Variants in XRCC4 observed in about 807,000 individuals in gnomAD.
XRCC4 encodes DNA repair protein XRCC4.
In XRCC4, 28 loss-of-function variants were observed where a neutral mutation model predicts 39.1. The observed-to-expected ratio is 0.72, with a 90% CI of 0.53 to 0.98. The LOEUF (loss-of-function observed/expected upper bound fraction) is 0.98, where lower values mean the gene tolerates loss of function less well. Among genes scored for constraint, XRCC4 ranks in the 50% least tolerant of loss-of-function variants. The pLI is 0.00. For synonymous variants in XRCC4, 123 were observed against 126.4 expected, an observed-to-expected ratio of 0.97 and a Z score of 0.18; for missense variants, 350 against 376.4, an observed-to-expected ratio of 0.93 and a Z score of 0.58.
At chr5:83,372,150 A>G in the XRCC4 span, among the ~76,000 whole-genome samples, 1 of 152,166 alleles carries the variant, frequency 6.6e-6, no homozygotes, top group African/African-American at 2.4e-5. Context: ...TACATCAATC[A>G]ACCATCTAAT....
At chr5:83,203,749 T>C in intron 5 of XRCC4, 42 bp downstream of exon 5, 4 of 1,595,606 alleles carry the variant, frequency 2.5e-6, no homozygotes, top group Non-Finnish European at 3.4e-6. Flanking sequence ...ATGAATACAT[T>C]TAAGTGGAAT....
At chr5:83,339,498 G>A (rs1483004183) in intron 7 of XRCC4, among the ~76,000 whole-genome samples, 2 of 151,892 alleles carry the variant, frequency 1.3e-5, no homozygotes, top group Non-Finnish European at 2.9e-5. Flanking sequence ...GGTGGGGGAG[G>A]GATAGCATTA....
intron 3 of XRCC4, among the ~76,000 whole-genome samples, chr5:83,188,312 T>G (rs1272257649): frequency 2.6e-5 from 4 of 151,784 alleles, no homozygotes; most frequent in African/African-American, 4.8e-5. Context: ...GGGCCTCAGT[T>G]TCTTGCTGGC....
At chr5:83,356,671 T>C (rs1023577576), downstream of XRCC4, 6 of 450,232 alleles carry the variant, frequency 1.3e-5, no homozygotes, top group Non-Finnish European at 2.2e-5. Flanking sequence ...GGTGTAAACA[T>C]GTCCAGATCC....
intron 7 of XRCC4, among the ~76,000 whole-genome samples, chr5:83,283,387 T>C (rs1481439158): frequency 6.6e-6 from 1 of 152,228 alleles, no homozygotes; most frequent in Non-Finnish European, 1.5e-5. Flanking sequence ...ATTTCTTCCA[T>C]TTATGTCTAC....
At chr5:83,081,556 T>C (rs1237814421) in intron 1 of XRCC4, among the ~76,000 whole-genome samples, 2 of 152,218 alleles carry the variant, frequency 1.3e-5, no homozygotes, top group Non-Finnish European at 2.9e-5. Context: ...AAAAATAAGA[T>C]AGATGATAGG....
intron 7 of XRCC4, among the ~76,000 whole-genome samples, chr5:83,273,598 G>A (rs2112934605): frequency 6.6e-6 from 1 of 152,236 alleles, no homozygotes; most frequent in Admixed American, 6.5e-5. Flanking sequence ...TTTGTATAAG[G>A]TGTAAGGAAG....
At chr5:83,279,280 T>C (rs1467650081) in intron 7 of XRCC4, among the ~76,000 whole-genome samples, 3 of 151,606 alleles carry the variant, frequency 2.0e-5, no homozygotes, top group Admixed American at 6.6e-5. Context: ...CCAGAATACA[T>C]AGGAGAAAGT....
chr5:83,354,390 T>C (rs1271990141), downstream of XRCC4, among the ~76,000 whole-genome samples: 1 of 152,200 alleles, frequency 6.6e-6, no homozygotes, highest in Non-Finnish European at 1.5e-5. Context: ...TTCTAGGTCG[T>C]TTGTGATTTT....
At chr5:83,232,301 A>G (rs1752523697) in intron 6 of XRCC4, among the ~76,000 whole-genome samples, 1 of 151,978 alleles carries the variant, frequency 6.6e-6, no homozygotes, top group South Asian at 2.1e-4. Context: ...CTGTTTGTGA[A>G]CCCCTTAAGA....
chr5:83,367,967 C>A, the XRCC4 span, among the ~76,000 whole-genome samples: 165 of 151,796 alleles, frequency 1.1e-3, no homozygotes, highest in African/African-American at 3.8e-3. Context: ...AGGTGTGGAA[C>A]TGGTTCAGAT....
In XRCC4 at chr5:83,137,078, GTTT is replaced by G. The variant is rs1747935940; in HGVS notation, c.315+25878_315+25880del. ...TGTACCTTATATACAAAAAAATCCA[GTTT>G]TTATTTATGATTACCATCCAAAAGT... On this transcript the variant is annotated intron_variant, in intron 3 of 7. Coordinates refer to ENST00000396027, the MANE Select transcript of XRCC4 (RefSeq NM_003401.5). 2.0e-5 allele frequency among the ~76,000 whole-genome samples: 3 copies of G among 152,122 alleles called. No homozygotes were observed. In the South Asian group the frequency reaches 6.2e-4, roughly 32 times the overall value.
intron 3 of XRCC4, among the ~76,000 whole-genome samples, chr5:83,178,618 A>G (rs956153255): frequency 1.7e-4 from 26 of 152,162 alleles, no homozygotes; most frequent in Non-Finnish European, 3.4e-4. Context: ...AGAGAATTTC[A>G]GTGGAGAATA....
At chr5:83,348,189 G>A (rs1354135900) in intron 7 of XRCC4, among the ~76,000 whole-genome samples, 1 of 152,068 alleles carries the variant, frequency 6.6e-6, no homozygotes, top group Non-Finnish European at 1.5e-5. Flanking sequence ...CCATTCTGTG[G>A]TCTGGAGGAT....
chr5:83,098,747 G>A (rs1007761453), intron 1 of XRCC4, among the ~76,000 whole-genome samples: 16 of 151,978 alleles, frequency 1.1e-4, no homozygotes, highest in Non-Finnish European at 2.4e-4. Flanking sequence ...GAAAATACTA[G>A]CAATAAATTA....
At chr5:83,289,870 CT>C (rs1159722530) in intron 7 of XRCC4, among the ~76,000 whole-genome samples, 1 of 151,794 alleles carries the variant, frequency 6.6e-6, no homozygotes, top group Non-Finnish European at 1.5e-5. Flanking sequence ...GACTCTCCCC[CT>C]GGCAGAATCA....
intron 3 of XRCC4, among the ~76,000 whole-genome samples, chr5:83,129,237 T>A (rs1197050754): frequency 7.0e-6 from 1 of 142,868 alleles, no homozygotes; most frequent in African/African-American, 2.7e-5. Context: ...TAGGGAATCC[T>A]TTCCCCATTG....
At chr5:83,183,889 T>C (rs1000143605) in intron 3 of XRCC4, among the ~76,000 whole-genome samples, 6 of 152,194 alleles carry the variant, frequency 3.9e-5, no homozygotes, top group African/African-American at 1.4e-4. Context: ...AATTTTCTTA[T>C]TAAAAACACT....
At position 83,292,380 on chromosome 5, in the gene XRCC4, G is replaced by A. The variant is rs181942553; in HGVS notation, c.893+33703G>A. On this transcript the variant is annotated intron_variant, in intron 7 of 7. Transcript: ENST00000396027. ...TTATTATAGTTTCTGCTAAGTATCC[G>A]TCAGTATAATTGGGATTGACTAAAT... Among the ~76,000 whole-genome samples the A allele has an allele frequency of 6.9e-4, 105 of 151,970 alleles. No homozygotes were observed. The East Asian group carries it at 7.9e-3, about 11-fold the overall frequency.
Sources: allele counts gnomAD v4.1 joint callset (sites outside exome capture counted in the v4.1 genomes callset), GRCh38; gene constraint gnomAD v4.1.1; transcripts MANE v1.5; gene names NCBI Gene and HGNC (gene_info 2026-07-23, HGNC 2026-07-21).